Variants in SLC66A2 observed in about 807,000 individuals in gnomAD.
The protein encoded by SLC66A2 is PQ loop repeat containing 1.
Under a neutral mutation model 25.5 loss-of-function variants are expected in SLC66A2, and 23 were observed. That is an observed-to-expected ratio of 0.90 (90% CI 0.65 to 1.28). The LOEUF (loss-of-function observed/expected upper bound fraction) is 1.28, where lower values mean the gene tolerates loss of function less well. Ranked by LOEUF, SLC66A2 falls within the 50% of genes most tolerant of loss-of-function variation. The pLI is 0.00. For missense variants in SLC66A2, 396 were observed against 373.1 expected, an observed-to-expected ratio of 1.06 and a Z score of -0.51; for synonymous variants, 193 against 166.5, an observed-to-expected ratio of 1.16 and a Z score of -1.23.
chr18:79,903,958 T>A lies in SLC66A2; in HGVS notation c.*18A>T. 6.3e-7 allele frequency: 1 copy of A among 1,580,402 alleles called. No individual in the cohort carries two copies. Among genetic ancestry groups the A allele is most frequent in the East Asian group, 2.3e-5 (1 of 42,936 alleles). On this transcript the variant is annotated 3_prime_UTR_variant, in exon 6 of 6. Coordinates refer to ENST00000397778, the MANE Select transcript of SLC66A2 (RefSeq NM_025078.5). ...AGTGCCCGCGGCTGGCGGTCCCACATCCTCGTCCTCCCCACTGTCAGAGGG... is the reference window on the plus strand; with the variant it reads ...AGTGCCCGCGGCTGGCGGTCCCACAACCTCGTCCTCCCCACTGTCAGAGGG...
At chr18:79,913,039 G>C (rs1205271148) in intron 5 of SLC66A2, among the ~76,000 whole-genome samples, 1 of 152,218 alleles carries the variant, frequency 6.6e-6, no homozygotes, top group Non-Finnish European at 1.5e-5. Flanking sequence ...TAAGAGCTCG[G>C]CTTCTGGATC....
In SLC66A2 at chr18:79,927,626, C is replaced by G. The variant is rs1009730050; in HGVS notation, c.391+6343G>C. 1.3e-5 allele frequency among the ~76,000 whole-genome samples: 2 copies of G among 152,104 alleles called. No individual in the cohort carries two copies. Among genetic ancestry groups the G allele is most frequent in the African/African-American group, 4.8e-5 (2 of 41,408 alleles). The stretch of plus-strand genomic sequence containing the variant: ...GGGGCCAGAGGACGACGCAGAGAGA[C>G]CCACATCAGAGACCCTCGGGGAGTG... On this transcript the variant is annotated intron_variant, in intron 4 of 5. Transcript: ENST00000397778. This position sits in a 1 kb window ranked among gnomAD's most constrained non-coding sequence, Gnocchi z 6.2.
intron 5 of SLC66A2, chr18:79,915,982 T>A: frequency 5.9e-6 from 1 of 170,792 alleles, no homozygotes; most frequent in Non-Finnish European, 1.3e-5. Flanking sequence ...CCCACAGTGC[T>A]TCTGTACCCG....
intron 4 of SLC66A2, among the ~76,000 whole-genome samples, chr18:79,929,447 A>G (rs1224994026): frequency 6.6e-6 from 1 of 152,210 alleles, no homozygotes; most frequent in Non-Finnish European, 1.5e-5. Context: ...ACAGTAAGTC[A>G]TCCTTCCCCC....
chr18:79,940,395 G>A lies in SLC66A2; in HGVS notation c.337+2934C>T, dbSNP rs1410102970. Among the ~76,000 whole-genome samples, 1 of 152,044 alleles carries A rather than the reference G, an allele frequency of 6.6e-6. No homozygotes were observed. Among genetic ancestry groups the A allele is most frequent in the African/African-American group, 2.4e-5 (1 of 41,360 alleles). On this transcript the variant is annotated intron_variant, in intron 3 of 5. Transcript: ENST00000397778. This position sits in a 1 kb window ranked among gnomAD's most constrained non-coding sequence, Gnocchi z 4.1. Reference sequence around the variant, plus strand: ...AGGTGGGTGGATCACTTGAGGTCAGGAGTTCAGGAGTTAGAGAAATAATCT... The same window carrying A: ...AGGTGGGTGGATCACTTGAGGTCAGAAGTTCAGGAGTTAGAGAAATAATCT...
At chr18:79,950,289 C>A (rs1028885312) in intron 2 of SLC66A2, among the ~76,000 whole-genome samples, 1 of 152,142 alleles carries the variant, frequency 6.6e-6, no homozygotes, top group Non-Finnish European at 1.5e-5. Flanking sequence ...AGCCCAGGAA[C>A]GTGGAGACTG....
intron 4 of SLC66A2, among the ~76,000 whole-genome samples, chr18:79,932,418 A>T (rs1477088507): frequency 2.6e-5 from 4 of 152,156 alleles, no homozygotes; most frequent in Non-Finnish European, 5.9e-5. Context: ...CAATAAAGAA[A>T]ATGAACAAAA....
At chr18:79,950,082 T>C (rs2051066999) in intron 2 of SLC66A2, among the ~76,000 whole-genome samples, 1 of 152,154 alleles carries the variant, frequency 6.6e-6, no homozygotes, top group Non-Finnish European at 1.5e-5. Flanking sequence ...GTGGCTCAGC[T>C]TGTAATCCCA....
intron 2 of SLC66A2, among the ~76,000 whole-genome samples, chr18:79,948,815 G>C (rs56663246): frequency 6.6e-6 from 1 of 152,108 alleles, no homozygotes; most frequent in Non-Finnish European, 1.5e-5. Flanking sequence ...CAACACACAC[G>C]TGAGCTGGGG....
chr18:79,926,501 C>T (rs1394111334), intron 4 of SLC66A2, among the ~76,000 whole-genome samples: 2 of 151,986 alleles, frequency 1.3e-5, no homozygotes, highest in African/African-American at 2.4e-5. Flanking sequence ...CAGGCACCCT[C>T]GGGACCCACA....
intron 4 of SLC66A2, among the ~76,000 whole-genome samples, chr18:79,925,315 G>C (rs945127788): frequency 6.6e-6 from 1 of 152,192 alleles, no homozygotes; most frequent in Non-Finnish European, 1.5e-5. Flanking sequence ...AAGAACAAAA[G>C]GGCAAGAACG....
At chr18:79,936,616 CA>C (rs1987115221) in intron 3 of SLC66A2, among the ~76,000 whole-genome samples, 1 of 152,202 alleles carries the variant, frequency 6.6e-6, no homozygotes, top group Admixed American at 6.5e-5. Flanking sequence ...CTTTGAGCCA[CA>C]GACAATTATT....
At chr18:79,926,702 A>C (rs1599588849) in intron 4 of SLC66A2, among the ~76,000 whole-genome samples, 1 of 152,012 alleles carries the variant, frequency 6.6e-6, no homozygotes, top group Non-Finnish European at 1.5e-5. Flanking sequence ...CTAATTAAGA[A>C]ACATTACATT....
At chr18:79,925,345 T>C (rs1404396325) in intron 4 of SLC66A2, among the ~76,000 whole-genome samples, 4 of 152,212 alleles carry the variant, frequency 2.6e-5, no homozygotes, top group Non-Finnish European at 5.9e-5. Flanking sequence ...TGCACACCCG[T>C]GGTCACGCAA....
chr18:79,918,481 G>A lies in SLC66A2; in HGVS notation c.608+703C>T, dbSNP rs372149154. On this transcript the variant is annotated intron_variant, in intron 5 of 5. Coordinates refer to ENST00000397778, the MANE Select transcript of SLC66A2 (RefSeq NM_025078.5). This position sits in a 1 kb window ranked among gnomAD's most constrained non-coding sequence, Gnocchi z 4.0. ...AGGGTCCCCAGTGAGGAGCGGCACC[G>A]GGGGGTCCCCAGTGAGGAGCGGGCC... is the stretch of plus-strand genomic sequence containing the variant. Among the ~76,000 whole-genome samples, 69 of 151,312 alleles carry A rather than the reference G, an allele frequency of 4.6e-4. 2 individuals carry two copies. The highest frequency in any genetic ancestry group is 2.9e-3 in the East Asian group (15 of 5,098).
intron 5 of SLC66A2, among the ~76,000 whole-genome samples, chr18:79,908,857 C>A (rs958686711): frequency 1.3e-5 from 2 of 152,310 alleles, no homozygotes; most frequent in East Asian, 3.9e-4. Flanking sequence ...CTTTAAACTT[C>A]TATTTCTCTA....
At chr18:79,914,604 G>C (rs899103840) in intron 5 of SLC66A2, among the ~76,000 whole-genome samples, 1 of 152,208 alleles carries the variant, frequency 6.6e-6, no homozygotes, top group Non-Finnish European at 1.5e-5. Context: ...AGAGCGAGTG[G>C]AACCCAGGCC....
rs1416892365 is a variant in SLC66A2, at chr18:79,918,613, GGCATCAT to G, written c.608+564_608+570del. 1.3e-5 allele frequency among the ~76,000 whole-genome samples: 2 copies of G among 152,248 alleles called. No homozygotes were observed. The highest frequency in any genetic ancestry group is 4.8e-5 in the African/African-American group (2 of 41,462). Reference sequence around the variant, plus strand: ...ATCCAGGACCTTGACTGAGCCCGTGGGCATCATGCTGCTCGCGTTGTGCCCTACCTCT... The same window carrying G: ...ATCCAGGACCTTGACTGAGCCCGTGGGCTGCTCGCGTTGTGCCCTACCTCT... On this transcript the variant is annotated intron_variant, in intron 5 of 5. Coordinates refer to ENST00000397778, the MANE Select transcript of SLC66A2 (RefSeq NM_025078.5). The surrounding 1 kb of genome is among the most constrained non-coding windows in gnomAD (Gnocchi z 4.0).
rs1276103062 is a variant in SLC66A2, at chr18:79,903,895, C to T, written c.*81G>A. The T allele has an allele frequency of 9.0e-6, 12 of 1,329,448 alleles. No homozygotes were observed. Among genetic ancestry groups the T allele is most frequent in the Admixed American group, 2.6e-5 (1 of 38,560 alleles). The allele number at this position is 1,329,448 out of a possible 1,614,324, so 82.4% of individuals were successfully genotyped here. On this transcript the variant is annotated 3_prime_UTR_variant, in exon 6 of 6. Coordinates refer to ENST00000397778, the MANE Select transcript of SLC66A2 (RefSeq NM_025078.5). ...ATCTCTGCCACACCTGCAGGGGCCA[C>T]AGCACCCACCCTCCCCGCGGGGAGG...
Sources: gnomAD v4.1 joint callset for allele counts (sites outside exome capture counted in the v4.1 genomes callset) on GRCh38, gnomAD v4.1.1 for gene constraint, Gnocchi (gnomAD v3.1) non-coding constraint, MANE v1.5 for transcripts, NCBI Gene and HGNC (gene_info 2026-07-23, HGNC 2026-07-21) for gene names.